The following SHBG variants were observed in gnomAD, a reference collection of about 807,000 sequenced individuals.
The protein encoded by SHBG is sex hormone binding globulin.
SHBG carries 37 observed loss-of-function variants against 41.9 expected under a neutral mutation model. That is an observed-to-expected ratio of 0.88 (90% confidence interval 0.68 to 1.16). SHBG has a LOEUF of 1.16. SHBG is among the 50% of genes most tolerant of loss of function. SHBG has a pLI of 0.00. For synonymous variants in SHBG, 217 were observed against 205.8 expected (o/e 1.05, Z -0.47); for missense variants, 466 against 499.9 (o/e 0.93, Z 0.65).
intron 6 of SHBG, 104 bp from the exon 7 acceptor site, chr17:7,632,648 T>C (rs2072455275): frequency 2.2e-6 from 2 of 896,176 alleles, no homozygotes; most frequent in Middle Eastern, 3.3e-4. Context: ...GGTGGAGGCA[T>C]AGCGAAGAGG....
In SHBG at chr17:7,632,740, C is replaced by T; in HGVS notation, c.853-12C>T. On this transcript the variant is annotated splice_polypyrimidine_tract_variant and intron_variant, in intron 6 of 7. Transcript: ENST00000380450. ...CTCTCTCTCTACCGTCCCTTTCCCA[C>T]ACACTCTGCAGAAGGTGGTGTTGTC... 6.2e-7 allele frequency: 1 copy of T among 1,608,536 alleles called. No homozygotes were observed. Among genetic ancestry groups the T allele is most frequent in the Non-Finnish European group, 8.5e-7 (1 of 1,175,774 alleles).
At chr17:7,631,517 CA>C in intron 4 of SHBG, 71 bp from the exon 5 acceptor site, 1 of 1,580,274 alleles carries the variant, frequency 6.3e-7, no homozygotes, top group Non-Finnish European at 8.7e-7. Context: ...CAACTGAGGG[CA>C]GGGAGGTCGG....
rs1225959685 is a variant in SHBG at position 7,630,219 on chromosome 17, T to TG, written c.48dup (p.Leu17AlafsTer46). ...GCTACCTCGCGCCTGCTGCTGTTGC[T>TG]GCTGTTGCTACTACTGCGTCACACC... On this transcript the variant is annotated frameshift_variant, in exon 1 of 8. Transcript: ENST00000380450. LOFTEE classifies it high-confidence loss of function. This position sits in a 1 kb window ranked among gnomAD's most constrained non-coding sequence, Gnocchi z 4.6. 3 of 1,613,148 alleles carry TG rather than the reference T, an allele frequency of 1.9e-6. No individual in the cohort carries two copies. In the African/African-American group the frequency reaches 4.0e-5, roughly 22 times the overall value.
intron 7 of SHBG, 50 bp downstream of exon 7, chr17:7,633,009 C>T (rs993476974): frequency 9.7e-6 from 15 of 1,548,720 alleles, no homozygotes; most frequent in African/African-American, 4.1e-5. Flanking sequence ...GGAAACAGCT[C>T]AAGGGAGGCG....
At chr17:7,627,926 C>A (rs118098353), upstream of SHBG, 13,437 of 551,288 alleles carry the variant, frequency 0.024, 257 homozygotes, top group Middle Eastern at 0.068. This position sits in a 1 kb window ranked among gnomAD's most constrained non-coding sequence, Gnocchi z 4.8. Flanking sequence ...AGAACAGGCA[C>A]GGCCGCGTCC....
chr17:7,627,590 C>G, upstream of SHBG: 1 of 1,611,890 alleles, frequency 6.2e-7, no homozygotes, highest in Non-Finnish European at 8.5e-7. The surrounding 1 kb of genome is among the most constrained non-coding windows in gnomAD (Gnocchi z 4.8). Context: ...CTCAGGATAT[C>G]TCCACAGTCT....
intron 1 of SHBG, among the ~76,000 whole-genome samples, chr17:7,615,206 A>G (rs1555572803): frequency 6.6e-6 from 1 of 151,854 alleles, no homozygotes; most frequent in Non-Finnish European, 1.5e-5. Context: ...CCGCACAGTC[A>G]CACAGCGCTC....
At position 7,633,288 on chromosome 17, in the gene SHBG, G is replaced by A. The variant is rs767484347; in HGVS notation, c.1145G>A (p.Ser382Asn). 6.2e-7 allele frequency: 1 copy of A among 1,614,162 alleles called. No homozygotes were observed. Among genetic ancestry groups the A allele is most frequent in the Non-Finnish European group, 8.5e-7 (1 of 1,180,024 alleles). ...GATGTGGACCAGGCCCTGAACAGAA[G>A]CCATGAGATCTGGACTCACAGCTGC... ...RLDVDQALNRSHEIWTHSCPQ... is the reference protein window; with the variant it reads ...RLDVDQALNRNHEIWTHSCPQ... Residue 382 changes from serine (S) to asparagine (N), a missense_variant, in exon 8 of 8, where the codon AGC (serine) becomes AAC (asparagine). Transcript: ENST00000380450.
chr17:7,618,268 C>A (rs2072028315), intron 1 of SHBG, among the ~76,000 whole-genome samples: 1 of 151,752 alleles, frequency 6.6e-6, no homozygotes, highest in Non-Finnish European at 1.5e-5. Context: ...CCTAGCCACA[C>A]TCTCAATATT....
upstream of SHBG, chr17:7,626,919 C>T (rs1218376827): frequency 6.2e-7 from 1 of 1,610,656 alleles, no homozygotes; most frequent in East Asian, 2.2e-5. Context: ...TGCTCCCACC[C>T]CAGCCTCAGC....
At position 7,622,873 on chromosome 17, in the gene SHBG, C is replaced by CAA. The variant is rs551320245; in HGVS notation, c.-61-7532_-61-7531dup. Among the ~76,000 whole-genome samples the CAA allele has an allele frequency of 1.4e-3, 176 of 126,444 alleles. 2 individuals are homozygous for CAA. Among genetic ancestry groups the CAA allele is most frequent in the African/African-American group, 4.3e-3 (147 of 33,842 alleles). 83.0% of individuals were successfully genotyped at this position (126,444 alleles called of 152,430 possible). ...TGAAACCCCGTCTCAACTAAAAATA[C>CAA]AAAAAAAAAAAAAATTAGCTGGGCG... On this transcript the variant is annotated intron_variant, in intron 1 of 5. Coordinates refer to the SHBG transcript ENST00000570547.
chr17:7,627,584 G>A, upstream of SHBG: 1 of 1,611,612 alleles, frequency 6.2e-7, no homozygotes, highest in Non-Finnish European at 8.5e-7. This position sits in a 1 kb window ranked among gnomAD's most constrained non-coding sequence, Gnocchi z 4.8. Flanking sequence ...ATCAGCCTCA[G>A]GATATCTCCA....
In SHBG at chr17:7,614,223, T is replaced by C. The variant is rs529609974; in HGVS notation, c.-62+112T>C. ...GACAATAATGGCCTGAAGTTCATTC[T>C]CCCGGAGATGGGGGTAGAAGCAGGT... On this transcript the variant is annotated intron_variant, in intron 1 of 5. Transcript: ENST00000570547. 3.5e-5 allele frequency: 24 copies of C among 685,330 alleles called. 1 individual carries two copies. The highest frequency in any genetic ancestry group is 2.6e-4 in the African/African-American group (15 of 56,812). The allele number at this position is 685,330 out of a possible 1,614,324, so 42.5% of individuals were successfully genotyped here.
Position 7,631,573 on chromosome 17 carries a change from C to CCAGCTGG in SHBG, c.556-16_556-15insCAGCTGG. The CCAGCTGG allele has an allele frequency of 6.2e-7, 1 of 1,613,990 alleles. No individual in the cohort carries two copies. Among genetic ancestry groups the CCAGCTGG allele is most frequent in the Non-Finnish European group, 8.5e-7 (1 of 1,179,978 alleles). On this transcript the variant is annotated splice_polypyrimidine_tract_variant and intron_variant, in intron 4 of 7. Coordinates refer to ENST00000380450, the MANE Select transcript of SHBG (RefSeq NM_001040.5). ...TGATTTCTACATCCCCGTATCTTAT[C>CCAGCTGG]TCTGTCACACTCCAGCTGGTTCCTG... is the stretch of plus-strand genomic sequence containing the variant.
rs1449029983 is a variant in SHBG at position 7,631,029 on chromosome 17, A to T, written c.393+160A>T. Reference sequence around the variant, plus strand: ...CTTGGCCCCATCTTTTCTGATGGGAATTCTAAGGCTCAGTCAGTATATAAG... The same window carrying T: ...CTTGGCCCCATCTTTTCTGATGGGATTTCTAAGGCTCAGTCAGTATATAAG... On this transcript the variant is annotated intron_variant, in intron 3 of 7. Transcript: ENST00000380450. Among the ~76,000 whole-genome samples, 5 of 152,302 alleles carry T rather than the reference A, an allele frequency of 3.3e-5. No homozygotes were observed. The East Asian group carries it at 9.6e-4, about 29-fold the overall frequency.
chr17:7,625,927 G>A (rs2072191058), upstream of SHBG, among the ~76,000 whole-genome samples: 1 of 151,314 alleles, frequency 6.6e-6, no homozygotes, highest in South Asian at 2.1e-4. Flanking sequence ...CTTTGGACTG[G>A]GTGCAGTGGC....
Position 7,631,780 on chromosome 17 carries a change from C to T in SHBG, c.715+32C>T, listed in dbSNP as rs757958204. ...TTCCTCGGAGTCTATTTTTCCCACC[C>T]TGGCCAGCTCAGCCTGCCTCTGTCC... On this transcript the variant is annotated intron_variant, in intron 5 of 7. Transcript: ENST00000380450. 20 of 1,613,474 alleles carry T rather than the reference C, an allele frequency of 1.2e-5. 1 individual carries two copies. In the South Asian group the frequency reaches 2.2e-4, roughly 18 times the overall value.
chr17:7,632,172 C>T, intron 6 of SHBG, 157 bp downstream of exon 6: 1 of 809,974 alleles, frequency 1.2e-6, no homozygotes, highest in Non-Finnish European at 2.0e-6. Context: ...ATTAGCCAGG[C>T]ATGGTGGTGC....
upstream of SHBG, among the ~76,000 whole-genome samples, chr17:7,628,669 C>T (rs897933018): frequency 1.3e-4 from 20 of 151,450 alleles, no homozygotes; most frequent in African/African-American, 4.1e-4. Flanking sequence ...TGGTCTGGAA[C>T]TCCTGACCTC....
Sources: allele counts gnomAD v4.1 joint callset (sites outside exome capture counted in the v4.1 genomes callset), GRCh38; gene constraint gnomAD v4.1.1; non-coding constraint Gnocchi (gnomAD v3.1); transcripts MANE v1.5; gene names NCBI Gene and HGNC (gene_info 2026-07-23, HGNC 2026-07-21).